The following CNTN5 variants were observed in gnomAD, a reference collection of about 807,000 sequenced individuals.
CNTN5 encodes the protein contactin 5.
A neutral mutation model predicts 129.1 loss-of-function variants in CNTN5; 77 were observed. The ratio of observed to expected loss-of-function variants is 0.60; its 90% confidence interval spans 0.50 to 0.72. CNTN5 has a LOEUF of 0.72. Ranked by LOEUF, CNTN5 falls within the 30% of genes least tolerant of loss-of-function variation. The pLI, the probability that CNTN5 is intolerant of heterozygous loss-of-function variation, is 0.00. For missense variants in CNTN5, 1,478 were observed against 1,328.8 expected (o/e 1.11, Z -1.75); for synonymous variants, 509 against 465.6 (o/e 1.09, Z -1.20).
intron 7 of CNTN5, among the ~76,000 whole-genome samples, chr11:99,956,011 G>C (rs1432148041): frequency 6.6e-6 from 1 of 151,996 alleles, no homozygotes; most frequent in Non-Finnish European, 1.5e-5. Flanking sequence ...CCTCTTTACT[G>C]TTTTTCTTAT....
chr11:99,749,287 A>C (rs10893832), intron 3 of CNTN5, among the ~76,000 whole-genome samples: 2 of 152,120 alleles, frequency 1.3e-5, no homozygotes, highest in East Asian at 3.9e-4. Flanking sequence ...AAAAGAAAAA[A>C]GAATGGGGAA....
At chr11:99,447,863 T>A (rs1419402218) in intron 2 of CNTN5, among the ~76,000 whole-genome samples, 1 of 152,116 alleles carries the variant, frequency 6.6e-6, no homozygotes, top group East Asian at 1.9e-4. Context: ...AGGCAGAAGT[T>A]GCAGTAAGCC....
chr11:99,972,381 T>G (rs532680476), intron 8 of CNTN5, among the ~76,000 whole-genome samples: 1 of 152,196 alleles, frequency 6.6e-6, no homozygotes, highest in Non-Finnish European at 1.5e-5. Flanking sequence ...TCCAGAATTG[T>G]GTAAGGTGAA....
chr11:99,069,100 T>C (rs189326464), intron 1 of CNTN5, among the ~76,000 whole-genome samples: 5 of 152,242 alleles, frequency 3.3e-5, no homozygotes, highest in Admixed American at 2.6e-4. Context: ...CTGGCAGACT[T>C]TGAAAATATC....
At chr11:99,882,719 A>G (rs753687998) in intron 6 of CNTN5, among the ~76,000 whole-genome samples, 6 of 152,140 alleles carry the variant, frequency 3.9e-5, no homozygotes, top group Non-Finnish European at 8.8e-5. Context: ...CAATCCAATT[A>G]TATATTTTTA....
At chr11:99,494,812 T>G (rs1482747172) in intron 2 of CNTN5, among the ~76,000 whole-genome samples, 1 of 152,196 alleles carries the variant, frequency 6.6e-6, no homozygotes, top group Non-Finnish European at 1.5e-5. Flanking sequence ...CTTCCCAGGA[T>G]ATTAATCTTG....
intron 3 of CNTN5, among the ~76,000 whole-genome samples, chr11:99,804,723 A>C (rs2135493393): frequency 6.6e-6 from 1 of 151,562 alleles, no homozygotes; most frequent in Admixed American, 6.6e-5. Context: ...TAATAAAAAT[A>C]AATGTATATA....
intron 15 of CNTN5, among the ~76,000 whole-genome samples, chr11:100,224,471 TATATGCA>T (rs1294644179): frequency 1.3e-5 from 2 of 152,160 alleles, no homozygotes; most frequent in Non-Finnish European, 2.9e-5. Flanking sequence ...GCTAAATCAT[TATATGCA>T]ATATTAAATG....
Position 99,268,626 on chromosome 11 carries a change from A to G in CNTN5, c.-209-56720A>G, listed in dbSNP as rs141331620. Among the ~76,000 whole-genome samples the G allele has an allele frequency of 1.5e-3, 230 of 152,074 alleles. 1 individual carries two copies. The highest frequency in any genetic ancestry group is 5.3e-3 in the African/African-American group (219 of 41,538). On this transcript the variant is annotated intron_variant, in intron 1 of 24. Coordinates refer to ENST00000524871, the MANE Select transcript of CNTN5 (RefSeq NM_014361.4). ...TAATGTGCAAGCCAAAATGTCTGGT[A>G]TGGTAGTATACATAATCAGTGAGGA...
At chr11:99,658,121 C>T (rs1233463556) in intron 3 of CNTN5, among the ~76,000 whole-genome samples, 1 of 151,956 alleles carries the variant, frequency 6.6e-6, no homozygotes, top group Non-Finnish European at 1.5e-5. Context: ...AGTTTACATT[C>T]TAAAACAAGA....
At chr11:99,998,926 A>G (rs1360189221) in intron 8 of CNTN5, among the ~76,000 whole-genome samples, 1 of 151,166 alleles carries the variant, frequency 6.6e-6, no homozygotes, top group Non-Finnish European at 1.5e-5. Flanking sequence ...TATTTAATAA[A>G]TGGTGCTGGG....
intron 3 of CNTN5, among the ~76,000 whole-genome samples, chr11:99,780,181 T>C (rs570580036): frequency 1.4e-4 from 21 of 151,876 alleles, no homozygotes; most frequent in South Asian, 8.3e-4. Flanking sequence ...TTAGTTTTTT[T>C]CCCCCCCTTC....
chr11:100,195,363 T>G (rs562647802), intron 15 of CNTN5, among the ~76,000 whole-genome samples: 1 of 152,130 alleles, frequency 6.6e-6, no homozygotes, highest in South Asian at 2.1e-4. Flanking sequence ...TGAATTATTG[T>G]TTTTGTCTCT....
chr11:99,168,157 A>T (rs10892838), intron 1 of CNTN5, among the ~76,000 whole-genome samples: 102,064 of 151,828 alleles, frequency 0.67, 34,696 homozygotes, highest in East Asian at 0.94. Flanking sequence ...TTGCCCAGGC[A>T]GGTTTCGAAC....
chr11:99,810,265 T>C (rs1946391320), intron 3 of CNTN5, among the ~76,000 whole-genome samples: 1 of 152,182 alleles, frequency 6.6e-6, no homozygotes, highest in Non-Finnish European at 1.5e-5. Context: ...TACATAATTA[T>C]GACTACAAAT....
At chr11:99,441,664 G>A (rs1204831091) in intron 2 of CNTN5, among the ~76,000 whole-genome samples, 1 of 152,182 alleles carries the variant, frequency 6.6e-6, no homozygotes, top group Non-Finnish European at 1.5e-5. Flanking sequence ...AATAGGAATT[G>A]ATGCATTCAG....
intron 1 of CNTN5, among the ~76,000 whole-genome samples, chr11:99,247,692 A>C (rs1861885133): frequency 6.6e-6 from 1 of 151,644 alleles, no homozygotes; most frequent in South Asian, 2.1e-4. Flanking sequence ...ATTCCCACCT[A>C]TCAGTGAGAA....
chr11:99,762,691 T>C (rs1402820147), intron 3 of CNTN5, among the ~76,000 whole-genome samples: 1 of 151,978 alleles, frequency 6.6e-6, no homozygotes, highest in African/African-American at 2.4e-5. Flanking sequence ...GTTTGAAGGA[T>C]TCTGTATAAG....
At chr11:99,278,381 C>T (rs920600691) in intron 1 of CNTN5, among the ~76,000 whole-genome samples, 5 of 151,416 alleles carry the variant, frequency 3.3e-5, no homozygotes, top group African/African-American at 1.2e-4. Context: ...CAAGTTTGTC[C>T]TTTTTCAGAA....
Sources: gnomAD v4.1 joint callset for allele counts (sites outside exome capture counted in the v4.1 genomes callset) on GRCh38, gnomAD v4.1.1 for gene constraint, MANE v1.5 for transcripts, NCBI Gene and HGNC (gene_info 2026-07-23, HGNC 2026-07-21) for gene names.